The following ADAMTS8 variants were observed in gnomAD, a reference collection of about 807,000 sequenced individuals.
ADAMTS8 encodes ADAM metallopeptidase with thrombospondin type 1 motif 8.
A neutral mutation model predicts 64.4 loss-of-function variants in ADAMTS8; 50 were observed. The observed-to-expected ratio is 0.78, with a 90% CI of 0.62 to 0.98. The LOEUF (loss-of-function observed/expected upper bound fraction) is 0.98, where lower values mean the gene tolerates loss of function less well. ADAMTS8 is among the 50% of genes least tolerant of loss of function. The probability of loss-of-function intolerance (pLI) is 0.00; values close to 1 mark genes in which losing one functional copy is unlikely to be tolerated. For synonymous variants in ADAMTS8, 556 were observed against 533.6 expected (o/e 1.04, Z -0.58); for missense variants, 1,192 against 1,208.2 (o/e 0.99, Z 0.20).
At chr11:130,417,496 A>AT (rs915165089) in intron 2 of ADAMTS8, among the ~76,000 whole-genome samples, 2 of 143,092 alleles carry the variant, frequency 1.4e-5, no homozygotes. Flanking sequence ...ACCTCGGACA[A>AT]TCCGGCTCCT....
Position 130,411,686 on chromosome 11 carries a change from T to C in ADAMTS8, c.1567-86A>G. ...TCACTGGGTGGCCAATGCCCTGGCT[T>C]CCTCATCTAGTCATTATCATCTTGG... On this transcript the variant is annotated intron_variant, in intron 5 of 8. Coordinates refer to ENST00000257359, the MANE Select transcript of ADAMTS8 (RefSeq NM_007037.6). The surrounding 1 kb of genome is among the most constrained non-coding windows in gnomAD (Gnocchi z 4.2). The C allele has an allele frequency of 7.3e-7, 1 of 1,367,888 alleles. No individual in the cohort carries two copies. The highest frequency in any genetic ancestry group is 2.3e-5 in the East Asian group (1 of 43,258). The allele number at this position is 1,367,888 out of a possible 1,614,324, so 84.7% of individuals were successfully genotyped here. A position where few individuals can be genotyped will look rare whatever the true frequency, so the allele number is the denominator to read the frequency against.
chr11:130,424,728 G>T (rs975755579), intron 1 of ADAMTS8, among the ~76,000 whole-genome samples: 7 of 152,122 alleles, frequency 4.6e-5, no homozygotes, highest in African/African-American at 1.7e-4. Flanking sequence ...TTTCGGAAGC[G>T]CAGGGGACTG....
Position 130,405,167 on chromosome 11 carries a change from A to AT in ADAMTS8, c.*390dup, listed in dbSNP as rs763018078. 17 of 1,007,342 alleles carry AT rather than the reference A, an allele frequency of 1.7e-5. No individual in the cohort carries two copies. The highest frequency in any genetic ancestry group is 2.0e-5 in the Non-Finnish European group (17 of 844,320). 62.4% of individuals were successfully genotyped at this position (1,007,342 alleles called of 1,614,324 possible). A position where few individuals can be genotyped will look rare whatever the true frequency, so the allele number is the denominator to read the frequency against. Reference sequence around the variant, plus strand: ...CCTGCCCCACGCCTCTCTTGTACTAATTTTTTCCCCTGTGAGGTAGATTAT... The same window carrying AT: ...CCTGCCCCACGCCTCTCTTGTACTAATTTTTTTCCCCTGTGAGGTAGATTAT... On this transcript the variant is annotated 3_prime_UTR_variant, in exon 9 of 9. Coordinates refer to ENST00000257359, the MANE Select transcript of ADAMTS8 (RefSeq NM_007037.6).
rs775754651 is a variant in ADAMTS8, at chr11:130,411,573, A to G, written c.1594T>C (p.Trp532Arg). 1.2e-6 allele frequency: 2 copies of G among 1,614,132 alleles called. No individual in the cohort carries two copies. Among genetic ancestry groups the G allele is most frequent in the South Asian group, 2.2e-5 (2 of 91,076 alleles). ...KPVADGGWAP[W>R]GPWGECSRTC... Reference sequence around the variant, plus strand: ...CGAGAACATTCTCCCCAGGGTCCCCACGGTGCCCAGCCTCCATCTGCCACG... The same window carrying G: ...CGAGAACATTCTCCCCAGGGTCCCCGCGGTGCCCAGCCTCCATCTGCCACG... Residue 532 changes from tryptophan (W) to arginine (R), a missense_variant, in exon 6 of 9, where the codon TGG becomes CGG. By Grantham distance (101) the Trp-to-Arg change is moderately radical. Coordinates refer to ENST00000257359, the MANE Select transcript of ADAMTS8 (RefSeq NM_007037.6). The surrounding 1 kb of genome is among the most constrained non-coding windows in gnomAD (Gnocchi z 4.2).
At chr11:130,408,709 T>A (rs1592128241) in intron 7 of ADAMTS8, 59 bp downstream of exon 7, 1 of 1,609,980 alleles carries the variant, frequency 6.2e-7, no homozygotes, top group Admixed American at 1.7e-5. Flanking sequence ...GGGGCGGGGG[T>A]GTGGGGACAG....
rs2291346 is a variant in ADAMTS8 at position 130,411,286 on chromosome 11, A to C, written c.1750+131T>G. Reference sequence around the variant, plus strand: ...AAAACTCTACATCCCAGGAGACCCAATTTACTCCCCTCTGGGAGTAACTCT... The same window carrying C: ...AAAACTCTACATCCCAGGAGACCCACTTTACTCCCCTCTGGGAGTAACTCT... On this transcript the variant is annotated intron_variant, in intron 6 of 8. Transcript: ENST00000257359. This position sits in a 1 kb window ranked among gnomAD's most constrained non-coding sequence, Gnocchi z 4.2. The C allele has an allele frequency of 0.12, 134,866 of 1,164,552 alleles. 8,983 individuals carry two copies. Among genetic ancestry groups the C allele is most frequent in the African/African-American group, 0.22 (14,113 of 64,286 alleles). 72.1% of individuals were successfully genotyped at this position (1,164,552 alleles called of 1,614,324 possible). A position where few individuals can be genotyped will look rare whatever the true frequency, so the allele number is the denominator to read the frequency against.
Position 130,419,304 on chromosome 11 carries a change from G to C in ADAMTS8, c.721-12C>G. On this transcript the variant is annotated splice_polypyrimidine_tract_variant and intron_variant, in intron 1 of 8. Transcript: ENST00000257359. ...GTCAGGATGTGGTTCTGTCAGGAAG[G>C]AGGAGACAAGAGGCGGAGTGAAGGG... 6.2e-7 allele frequency: 1 copy of C among 1,613,736 alleles called. No individual in the cohort carries two copies. Among genetic ancestry groups the C allele is most frequent in the South Asian group, 1.1e-5 (1 of 91,076 alleles).
chr11:130,420,504 C>G (rs1270485325), intron 1 of ADAMTS8, among the ~76,000 whole-genome samples: 1 of 152,110 alleles, frequency 6.6e-6, no homozygotes, highest in African/African-American at 2.4e-5. Flanking sequence ...CCTGCCTCTC[C>G]GATCCCTAGA....
chr11:130,427,229 C>T (rs1467872410), intron 1 of ADAMTS8, among the ~76,000 whole-genome samples: 4 of 152,170 alleles, frequency 2.6e-5, no homozygotes, highest in Non-Finnish European at 4.4e-5. Context: ...AGGCAGGTGC[C>T]GGGGAATGCG....
At chr11:130,422,821 C>T (rs1318364390) in intron 1 of ADAMTS8, among the ~76,000 whole-genome samples, 5 of 152,166 alleles carry the variant, frequency 3.3e-5, no homozygotes, top group Admixed American at 1.3e-4. Context: ...CAGCGGTGGC[C>T]GGCACTCTGA....
intron 1 of ADAMTS8, among the ~76,000 whole-genome samples, chr11:130,422,592 G>A (rs901475151): frequency 1.3e-5 from 2 of 152,222 alleles, no homozygotes; most frequent in Non-Finnish European, 2.9e-5. Context: ...ACTGAGCTGG[G>A]GGTGTGGAGA....
At chr11:130,422,616 C>T (rs546574247) in intron 1 of ADAMTS8, among the ~76,000 whole-genome samples, 7 of 152,096 alleles carry the variant, frequency 4.6e-5, no homozygotes, top group Non-Finnish European at 8.8e-5. Context: ...AGAAGCAAAG[C>T]GAGAGGAAAG....
In ADAMTS8 at chr11:130,428,286, TG is replaced by T. The variant is rs1465730609; in HGVS notation, c.-1del. The T allele has an allele frequency of 1.6e-6, 2 of 1,219,360 alleles. No individual in the cohort carries two copies. The highest frequency in any genetic ancestry group is 2.8e-5 in the South Asian group (1 of 36,016). The allele number at this position is 1,219,360 out of a possible 1,614,324, so 75.5% of individuals were successfully genotyped here. A position where few individuals can be genotyped will look rare whatever the true frequency, so the allele number is the denominator to read the frequency against. ...CGGGGGGCGGCGGGGGCGGGGAGCA[TG>T]GGGGCTGCGGCGGTGGCTGCGCGCA... On this transcript the variant is annotated 5_prime_UTR_variant, in exon 1 of 9. Coordinates refer to ENST00000257359, the MANE Select transcript of ADAMTS8 (RefSeq NM_007037.6).
At chr11:130,425,660 G>A (rs1862155359) in intron 1 of ADAMTS8, among the ~76,000 whole-genome samples, 1 of 151,186 alleles carries the variant, frequency 6.6e-6, no homozygotes. Context: ...GAGTGCAGTG[G>A]CGCGGTCTCC....
At chr11:130,414,470 C>G in intron 5 of ADAMTS8, 61 bp downstream of exon 5, 1 of 1,521,572 alleles carries the variant, frequency 6.6e-7, no homozygotes, top group Non-Finnish European at 8.8e-7. Flanking sequence ...GCCCTCAGTC[C>G]TCCCCATTTC....
At chr11:130,418,809 G>T (rs1197622826) in intron 2 of ADAMTS8, among the ~76,000 whole-genome samples, 3 of 152,224 alleles carry the variant, frequency 2.0e-5, no homozygotes, top group Non-Finnish European at 4.4e-5. Flanking sequence ...TGTTATGTGT[G>T]ACCTCAGGAG....
At position 130,408,605 on chromosome 11, in the gene ADAMTS8, A is replaced by G. The variant is rs1431831558; in HGVS notation, c.1958T>C (p.Leu653Pro). ...ACACTGGCCACGGACACAGATGGCC[A>G]GTGTTTCTGGCCCACACAGGGTGCC... is the stretch of plus-strand genomic sequence containing the variant. ...IDGTLCGPET[L>P]AICVRGQCVK... Residue 653 changes from leucine (L) to proline (P), a missense_variant, in exon 8 of 9, where the codon CTG becomes CCG. Physicochemically the swap from Leu to Pro is moderately conservative, Grantham distance 98 (BLOSUM62 -3). Transcript: ENST00000257359. 1 of 1,614,068 alleles carries G rather than the reference A, an allele frequency of 6.2e-7. No individual in the cohort carries two copies. The highest frequency in any genetic ancestry group is 2.2e-5 in the East Asian group (1 of 44,884).
chr11:130,407,634 G>GTAC (rs1170721675), intron 8 of ADAMTS8, among the ~76,000 whole-genome samples: 1 of 152,298 alleles, frequency 6.6e-6, no homozygotes, highest in East Asian at 1.9e-4. Flanking sequence ...ACACATTGAT[G>GTAC]TACTGGAGGC....
In ADAMTS8 at chr11:130,414,598, G is replaced by C; in HGVS notation, c.1499C>G (p.Pro500Arg). 6.2e-7 allele frequency: 1 copy of C among 1,613,290 alleles called. No individual in the cohort carries two copies. The highest frequency in any genetic ancestry group is 8.5e-7 in the Non-Finnish European group (1 of 1,179,904). Residue 500 changes from proline to arginine, a missense_variant, in exon 5 of 9, where the codon CCG becomes CGG. Pro to Arg is a moderately radical substitution (Grantham distance 103). Transcript: ENST00000257359. The stretch of plus-strand genomic sequence containing the variant: ...TGAGCAGAGGTGCCCAGGCCCGCAC[G>C]GCGTGCCGTCAGCCCAGGGCAGGCT... ...NGSLPWADGT[P>R]CGPGHLCSEG...
Sources: gnomAD v4.1 joint callset for allele counts (sites outside exome capture counted in the v4.1 genomes callset) on GRCh38, gnomAD v4.1.1 for gene constraint, Gnocchi (gnomAD v3.1) non-coding constraint, MANE v1.5 for transcripts, NCBI Gene and HGNC (gene_info 2026-07-23, HGNC 2026-07-21) for gene names.